Variants in AKT2 observed in about 807,000 individuals in gnomAD.
The protein encoded by AKT2 is RAC-beta serine/threonine-protein kinase.
AKT2 carries 16 observed loss-of-function variants against 58.6 expected under a neutral mutation model. The ratio of observed to expected loss-of-function variants is 0.27; its 90% CI spans 0.18 to 0.41. The LOEUF is 0.41. Ranked by LOEUF, AKT2 falls within the 10% of genes least tolerant of loss-of-function variation. The probability of loss-of-function intolerance (pLI) is 1.00; values close to 1 mark genes in which losing one functional copy is unlikely to be tolerated. For synonymous variants in AKT2, 253 were observed against 254.0 expected, an observed-to-expected ratio of 1.00 and a Z score of 0.04; for missense variants, 438 against 661.0, an observed-to-expected ratio of 0.66 and a Z score of 3.70.
rs935134360 is a variant in AKT2 at position 40,238,518 on chromosome 19, A to G, written c.708+387T>C. Among the ~76,000 whole-genome samples the G allele has an allele frequency of 6.6e-6, 1 of 152,306 alleles. No individual in the cohort carries two copies. The highest frequency in any genetic ancestry group is 2.4e-5 in the African/African-American group (1 of 41,564). On this transcript the variant is annotated intron_variant, in intron 8 of 13. Coordinates refer to ENST00000392038, the MANE Select transcript of AKT2 (RefSeq NM_001626.6). The surrounding 1 kb of genome is among the most constrained non-coding windows in gnomAD (Gnocchi z 5.1). ...AAAGTGAGGCGACTCTGTAAGGGGA[A>G]GCTGAGCGGCTGCGGGAATTCACTT... is the stretch of plus-strand genomic sequence containing the variant.
intron 1 of AKT2, among the ~76,000 whole-genome samples, chr19:40,271,061 C>T (rs763878142): frequency 3.6e-4 from 54 of 149,556 alleles, no homozygotes; most frequent in Non-Finnish European, 7.0e-4. Context: ...AAAAGCTGGC[C>T]GGGCACGGTG....
At position 40,232,560 on chromosome 19, in the gene AKT2, T is replaced by C. The variant is rs931909491; in HGVS notation, c.*1312A>G. On this transcript the variant is annotated 3_prime_UTR_variant, in exon 14 of 14. Coordinates refer to ENST00000392038, the MANE Select transcript of AKT2 (RefSeq NM_001626.6). Reference sequence around the variant, plus strand: ...GCTAAACTCCAAACACCCAGAGGTGTTGCTACAGGGAGGGGAGGCGTGGGC... The same window carrying C: ...GCTAAACTCCAAACACCCAGAGGTGCTGCTACAGGGAGGGGAGGCGTGGGC... The C allele has an allele frequency of 4.3e-5, 10 of 231,518 alleles. No individual in the cohort carries two copies. The highest frequency in any genetic ancestry group is 4.3e-5 in the Non-Finnish European group (5 of 117,442). The allele number at this position is 231,518 out of a possible 1,614,324, so 14.3% of individuals were successfully genotyped here.
rs1973822886 is a variant in AKT2 at position 40,233,548 on chromosome 19, G to A, written c.*324C>T. The A allele has an allele frequency of 1.5e-6, 1 of 654,582 alleles. No homozygotes were observed. Among genetic ancestry groups the A allele is most frequent in the African/African-American group, 1.7e-5 (1 of 57,310 alleles). 40.5% of individuals were successfully genotyped at this position (654,582 alleles called of 1,614,324 possible). A position where few individuals can be genotyped will look rare whatever the true frequency, so the allele number is the denominator to read the frequency against. Reference sequence around the variant, plus strand: ...CACGACACCCAGGCCAGAAACTCAGGCAGGCCCCAGGCGCCATGCTTCACC... The same window carrying A: ...CACGACACCCAGGCCAGAAACTCAGACAGGCCCCAGGCGCCATGCTTCACC... On this transcript the variant is annotated 3_prime_UTR_variant, in exon 14 of 14. Transcript: ENST00000392038. This position sits in a 1 kb window ranked among gnomAD's most constrained non-coding sequence, Gnocchi z 4.3.
At chr19:40,240,440 G>A (rs1466693092) in intron 6 of AKT2, 2 of 537,220 alleles carry the variant, frequency 3.7e-6, no homozygotes, top group South Asian at 1.6e-5. Context: ...ACAGGCTGTG[G>A]GAAGTCCCAC....
chr19:40,240,775 TC>T, intron 6 of AKT2: 1 of 163,740 alleles, frequency 6.1e-6, no homozygotes, highest in Admixed American at 5.8e-5. Flanking sequence ...ATGTCTGAAG[TC>T]TTTTTTTTTT....
At position 40,238,944 on chromosome 19, in the gene AKT2, G is replaced by T. The variant is rs545889598; in HGVS notation, c.669C>A (p.Asp223Glu). The change falls in exon 8 of 14, where the codon GAC becomes GAA. Residue 223 changes from aspartate (D) to glutamate (E), a missense_variant. Asp to Glu is a conservative substitution (Grantham distance 45). Coordinates refer to ENST00000392038, the MANE Select transcript of AKT2 (RefSeq NM_001626.6). This position sits in a 1 kb window ranked among gnomAD's most constrained non-coding sequence, Gnocchi z 5.1. ...CATACTCCATCACAAAGCACAGGCGGTCGTGGGTCTGGAAGGCATACTTCA... is the reference window on the plus strand; with the variant it reads ...CATACTCCATCACAAAGCACAGGCGTTCGTGGGTCTGGAAGGCATACTTCA... ...TALKYAFQTH[D>E]RLCFVMEYAN... The T allele has an allele frequency of 1.2e-6, 2 of 1,614,096 alleles. No homozygotes were observed. The highest frequency in any genetic ancestry group is 2.7e-5 in the African/African-American group (2 of 75,052).
intron 1 of AKT2, chr19:40,275,209 C>A: frequency 2.2e-6 from 1 of 456,910 alleles, no homozygotes; most frequent in South Asian, 1.5e-5. Flanking sequence ...GACAGGGCCA[C>A]CTCCCATCTT....
At chr19:40,250,752 C>T (rs369576407) in intron 4 of AKT2, among the ~76,000 whole-genome samples, 2 of 151,978 alleles carry the variant, frequency 1.3e-5, no homozygotes, top group African/African-American at 2.4e-5. Context: ...CACCTAAATC[C>T]GGGAGATTGA....
intron 2 of AKT2, among the ~76,000 whole-genome samples, chr19:40,259,684 G>T (rs1975801863): frequency 6.6e-6 from 1 of 152,108 alleles, no homozygotes; most frequent in African/African-American, 2.4e-5. Context: ...TCTAATAAGG[G>T]TCTATTAACC....
intron 1 of AKT2, among the ~76,000 whole-genome samples, chr19:40,269,954 C>G (rs180719990): frequency 6.6e-6 from 1 of 152,328 alleles, no homozygotes; most frequent in East Asian, 1.9e-4. Flanking sequence ...CAGGACCCTA[C>G]GCGGCCTGCA....
At chr19:40,261,945 A>G (rs1210659340) in intron 2 of AKT2, among the ~76,000 whole-genome samples, 1 of 151,248 alleles carries the variant, frequency 6.6e-6, no homozygotes, top group Non-Finnish European at 1.5e-5. Context: ...AAAAAACCTC[A>G]TCTGTGTTAC....
In AKT2 at chr19:40,245,146, T is replaced by C. The variant is rs145101398; in HGVS notation, c.288-2459A>G. On this transcript the variant is annotated intron_variant, in intron 4 of 13. Coordinates refer to ENST00000392038, the MANE Select transcript of AKT2 (RefSeq NM_001626.6). ...ACAGGCTGTCGTGAGGTAGAATGCC[T>C]GTGAGGCATCTGTGCAATGAGACAT... Among the ~76,000 whole-genome samples, 25 of 152,286 alleles carry C rather than the reference T, an allele frequency of 1.6e-4. No individual in the cohort carries two copies. The East Asian group carries it at 4.6e-3, about 28-fold the overall frequency.
chr19:40,263,618 G>A (rs2145352805), intron 2 of AKT2, among the ~76,000 whole-genome samples: 1 of 152,246 alleles, frequency 6.6e-6, no homozygotes, highest in South Asian at 2.1e-4. Context: ...CTGGGCCAAG[G>A]GACCTTAAAA....
chr19:40,277,571 C>A (rs2077349456), intron 1 of AKT2, among the ~76,000 whole-genome samples: 1 of 152,170 alleles, frequency 6.6e-6, no homozygotes, highest in Admixed American at 6.5e-5. Flanking sequence ...CCTGCTCTCT[C>A]CCCCTCACCC....
At chr19:40,240,211 C>T in intron 6 of AKT2, 101 bp from the exon 7 acceptor site, 3 of 1,232,042 alleles carry the variant, frequency 2.4e-6, no homozygotes, top group Non-Finnish European at 3.6e-6. Flanking sequence ...AATTCCATTC[C>T]CAGCCATAAA....
chr19:40,235,272 G>A lies in AKT2; in HGVS notation c.1254C>T (p.Val418=), dbSNP rs751543397. Residue 418 remains valine (V), a synonymous_variant, in exon 12 of 14, where the codon GTC becomes GTT. Coordinates refer to ENST00000392038, the MANE Select transcript of AKT2 (RefSeq NM_001626.6). This position sits in a 1 kb window ranked among gnomAD's most constrained non-coding sequence, Gnocchi z 6.3. ...AAGCAGTGGGGCTCACCTTCTTCTG[G>A]ACCACGTCCTGCCAGTTGATGCTGA... is the stretch of plus-strand genomic sequence containing the variant. ...FFLSINWQDV[V]QKKLLPPFKP... 6.2e-7 allele frequency: 1 copy of A among 1,613,968 alleles called. No homozygotes were observed. Among genetic ancestry groups the A allele is most frequent in the Non-Finnish European group, 8.5e-7 (1 of 1,179,996 alleles).
At position 40,235,864 on chromosome 19, in the gene AKT2, T is replaced by TGGGTG. The variant is rs777986342; in HGVS notation, c.1175+21_1175+25dup. On this transcript the variant is annotated intron_variant, in intron 11 of 13. Coordinates refer to ENST00000392038, the MANE Select transcript of AKT2 (RefSeq NM_001626.6). The surrounding 1 kb of genome is among the most constrained non-coding windows in gnomAD (Gnocchi z 6.3). ...ACAGTGGCAGCAGCTGGCGCTGGGC[T>TGGGTG]GGGTGGGGCCGACGCCAGCCCTCAC... 2 of 1,592,058 alleles carry TGGGTG rather than the reference T, an allele frequency of 1.3e-6. No homozygotes were observed. The highest frequency in any genetic ancestry group is 1.7e-6 in the Non-Finnish European group (2 of 1,171,982).
intron 9 of AKT2, 83 bp from the exon 10 acceptor site, chr19:40,236,468 C>G (rs1250176146): frequency 1.6e-5 from 25 of 1,588,900 alleles, no homozygotes; most frequent in Non-Finnish European, 2.1e-5. Flanking sequence ...GAAAGATGCC[C>G]GGGGCTCCTG....
intron 2 of AKT2, among the ~76,000 whole-genome samples, chr19:40,259,301 A>C (rs1458756698): frequency 6.6e-6 from 1 of 152,178 alleles, no homozygotes; most frequent in South Asian, 2.1e-4. Flanking sequence ...ATGTGCCCAG[A>C]GTAGCCTATC....
Sources: gnomAD v4.1 joint callset for allele counts (sites outside exome capture counted in the v4.1 genomes callset) on GRCh38, gnomAD v4.1.1 for gene constraint, Gnocchi (gnomAD v3.1) non-coding constraint, MANE v1.5 for transcripts, NCBI Gene and HGNC (gene_info 2026-07-23, HGNC 2026-07-21) for gene names.